The following CUL9 variants were observed in gnomAD, a reference collection of about 807,000 sequenced individuals.
CUL9 encodes cullin-9.
In CUL9, 79 loss-of-function variants were observed where a neutral mutation model predicts 272.6. The observed-to-expected ratio is 0.29, with a 90% CI of 0.24 to 0.35. The LOEUF (loss-of-function observed/expected upper bound fraction) is 0.35. Among genes scored for constraint, CUL9 ranks in the 10% least tolerant of loss-of-function variants. The probability of loss-of-function intolerance (pLI) is 1.00; values close to 1 mark genes in which losing one functional copy is unlikely to be tolerated. For synonymous variants in CUL9, 1,186 were observed against 1,286.5 expected (o/e 0.92, Z 1.67); for missense variants, 2,532 against 3,255.6 (o/e 0.78, Z 5.41).
chr6:43,199,412 A>G lies in CUL9; in HGVS notation c.3156+41A>G. On this transcript the variant is annotated intron_variant, in intron 13 of 40. Transcript: ENST00000252050. The surrounding 1 kb of genome is among the most constrained non-coding windows in gnomAD (Gnocchi z 4.4). ...CAAGGAGAAGAGAGGGAAGGGCAGC[A>G]TCTGGGGCACCAACTCCTTGTGAGG... is the stretch of plus-strand genomic sequence containing the variant. 6.6e-7 allele frequency: 1 copy of G among 1,505,188 alleles called. No homozygotes were observed. Among genetic ancestry groups the G allele is most frequent in the Non-Finnish European group, 9.2e-7 (1 of 1,082,150 alleles). 93.2% of individuals were successfully genotyped at this position (1,505,188 alleles called of 1,614,324 possible). A position where few individuals can be genotyped will look rare whatever the true frequency, so the allele number is the denominator to read the frequency against.
Position 43,223,890 on chromosome 6 carries a change from G to A in CUL9, c.7285-205G>A, listed in dbSNP as rs1776587433. ...GATTCTGTAAGCTCTTTAAGCACAG[G>A]GTCGTGTGCCTCACCTGGTACCCCG... On this transcript the variant is annotated intron_variant, in intron 39 of 40. Coordinates refer to ENST00000252050, the MANE Select transcript of CUL9 (RefSeq NM_015089.4). This position sits in a 1 kb window ranked among gnomAD's most constrained non-coding sequence, Gnocchi z 4.1. The A allele has an allele frequency of 3.3e-6, 2 of 607,564 alleles. No homozygotes were observed. Among genetic ancestry groups the A allele is most frequent in the Non-Finnish European group, 5.9e-6 (2 of 339,538 alleles). 37.6% of individuals were successfully genotyped at this position (607,564 alleles called of 1,614,324 possible).
In CUL9 at chr6:43,187,982, G is replaced by A. The variant is rs1562014905; in HGVS notation, c.1851G>A (p.Glu617=). 1 of 1,613,946 alleles carries A rather than the reference G, an allele frequency of 6.2e-7. No homozygotes were observed. Among genetic ancestry groups the A allele is most frequent in the Non-Finnish European group, 8.5e-7 (1 of 1,179,996 alleles). ...EETESLKAKA[E]APKTEAEPTK... ...CTGAGTCCCTCAAAGCAAAGGCCGAGGCCCCTAAGACAGAGGCCGAGCCCA... is the reference window on the plus strand; with the variant it reads ...CTGAGTCCCTCAAAGCAAAGGCCGAAGCCCCTAAGACAGAGGCCGAGCCCA... Residue 617 remains glutamate (E), a synonymous_variant, in exon 7 of 41, where the codon GAG becomes GAA. Coordinates refer to ENST00000252050, the MANE Select transcript of CUL9 (RefSeq NM_015089.4).
At chr6:43,183,553 G>C (rs1772618927) in intron 1 of CUL9, among the ~76,000 whole-genome samples, 1 of 151,990 alleles carries the variant, frequency 6.6e-6, no homozygotes, top group Non-Finnish European at 1.5e-5. Flanking sequence ...TGTCCTTCCT[G>C]TCCACCCATG....
chr6:43,203,391 G>A lies in CUL9; in HGVS notation c.3850-26G>A, dbSNP rs1296219598. 2 of 1,612,126 alleles carry A rather than the reference G, an allele frequency of 1.2e-6. No homozygotes were observed. The highest frequency in any genetic ancestry group is 1.7e-6 in the Non-Finnish European group (2 of 1,179,016). ...ACTTAGTGGCTCAAGCGGCTTGGGTGACAGATAAGTCTGTGCATGTTCCAG... is the reference window on the plus strand; with the variant it reads ...ACTTAGTGGCTCAAGCGGCTTGGGTAACAGATAAGTCTGTGCATGTTCCAG... On this transcript the variant is annotated intron_variant, in intron 18 of 40. Transcript: ENST00000252050. This position sits in a 1 kb window ranked among gnomAD's most constrained non-coding sequence, Gnocchi z 5.0.
In CUL9 at chr6:43,220,451, C is replaced by A; in HGVS notation, c.6283-8C>A. 6.2e-7 allele frequency: 1 copy of A among 1,613,946 alleles called. No homozygotes were observed. The highest frequency in any genetic ancestry group is 1.1e-5 in the South Asian group (1 of 91,070). ...TCTGTGAGCAGCCCCTCCTTTTGTC[C>A]CTCCCAGTCTTGCTGGAATGAGTAC... is the stretch of plus-strand genomic sequence containing the variant. On this transcript the variant is annotated splice_polypyrimidine_tract_variant and splice_region_variant and intron_variant, in intron 31 of 40. Transcript: ENST00000252050. The surrounding 1 kb of genome is among the most constrained non-coding windows in gnomAD (Gnocchi z 4.9).
chr6:43,183,323 C>T lies in CUL9; in HGVS notation c.-9-979C>T, dbSNP rs565670198. Among the ~76,000 whole-genome samples the T allele has an allele frequency of 1.2e-4, 18 of 152,296 alleles. No homozygotes were observed. The South Asian group carries it at 3.7e-3, about 32-fold the overall frequency. On this transcript the variant is annotated intron_variant, in intron 1 of 40. Coordinates refer to ENST00000252050, the MANE Select transcript of CUL9 (RefSeq NM_015089.4). ...CATCTTTCCCATAATTTTATCTGGT[C>T]CCTAGGGCCCTCCCCCTTTCACAAG...
chr6:43,196,060 C>G lies in CUL9; in HGVS notation c.2389-9C>G, dbSNP rs761673607. 6 of 1,606,926 alleles carry G rather than the reference C, an allele frequency of 3.7e-6. No individual in the cohort carries two copies. Among genetic ancestry groups the G allele is most frequent in the South Asian group, 1.1e-5 (1 of 90,262 alleles). ...CCCTCCTCACTCTGCTTTCACATCC[C>G]CCTCACAGGCACTGAAGATGCTGGC... On this transcript the variant is annotated splice_polypyrimidine_tract_variant and intron_variant, in intron 9 of 40. Transcript: ENST00000252050.
Position 43,187,352 on chromosome 6 carries a change from A to G in CUL9, c.1494A>G (p.Glu498=), listed in dbSNP as rs1441486468. 1 of 1,614,090 alleles carries G rather than the reference A, an allele frequency of 6.2e-7. No individual in the cohort carries two copies. Among genetic ancestry groups the G allele is most frequent in the Non-Finnish European group, 8.5e-7 (1 of 1,179,984 alleles). ...NERVGYLTQA[E]WWELLFFIKK... The stretch of plus-strand genomic sequence containing the variant: ...GAGTGGGATATCTGACCCAGGCTGA[A>G]TGGTGGGAGCTGCTTTTCTTTATCA... The change falls in exon 6 of 41, where the codon GAA becomes GAG. Residue 498 remains glutamate, a synonymous_variant. Transcript: ENST00000252050.
In CUL9 at chr6:43,206,019, G is replaced by A. The variant is rs1045111709; in HGVS notation, c.4806G>A (p.Ala1602=). The change falls in exon 25 of 41, where the codon GCG becomes GCA. Residue 1602 remains alanine, a synonymous_variant. Transcript: ENST00000252050. This position sits in a 1 kb window ranked among gnomAD's most constrained non-coding sequence, Gnocchi z 4.8. ...GTGTGTGCTGCAGGCATTATATGGC[G>A]GACCGTCTCCTGAGCTTTGGTTCGA... ...TFEHFYQHYM[A]DRLLSFGSSW... is the part of the protein sequence containing the mutation. The A allele has an allele frequency of 5.6e-6, 9 of 1,613,598 alleles. No individual in the cohort carries two copies. Among genetic ancestry groups the A allele is most frequent in the Non-Finnish European group, 5.9e-6 (7 of 1,179,574 alleles).
chr6:43,199,454 A>G lies in CUL9; in HGVS notation c.3156+83A>G, dbSNP rs1198308071. On this transcript the variant is annotated intron_variant, in intron 13 of 40. Coordinates refer to ENST00000252050, the MANE Select transcript of CUL9 (RefSeq NM_015089.4). This position sits in a 1 kb window ranked among gnomAD's most constrained non-coding sequence, Gnocchi z 4.4. ...CTTGTGAGGCTCTGGAGGGCACAGCAGAGCCTTTCTGAATGGATCTTGGGG... is the reference window on the plus strand; with the variant it reads ...CTTGTGAGGCTCTGGAGGGCACAGCGGAGCCTTTCTGAATGGATCTTGGGG... 2 of 1,072,146 alleles carry G rather than the reference A, an allele frequency of 1.9e-6. No homozygotes were observed. Among genetic ancestry groups the G allele is most frequent in the African/African-American group, 3.1e-5 (2 of 64,284 alleles). The allele number at this position is 1,072,146 out of a possible 1,614,324, so 66.4% of individuals were successfully genotyped here.
intron 8 of CUL9, among the ~76,000 whole-genome samples, chr6:43,191,880 C>T (rs1383838771): frequency 6.6e-6 from 1 of 151,034 alleles, no homozygotes; most frequent in African/African-American, 2.4e-5. Flanking sequence ...TCACTGTGCC[C>T]AGACAACATT....
In CUL9 at chr6:43,204,854, G is replaced by A. The variant is rs1774926077; in HGVS notation, c.4446G>A (p.Glu1482=). 1.2e-6 allele frequency: 2 copies of A among 1,614,156 alleles called. No homozygotes were observed. The highest frequency in any genetic ancestry group is 1.7e-6 in the Non-Finnish European group (2 of 1,180,016). ...ITQCWLSVVQ[E]QVSRFLAAAW... ...AGTGCTGGCTGAGCGTGGTGCAGGA[G>A]CAGGTGGGCAGAAGCAAGCAGAAGT... Residue 1482 remains glutamate, a synonymous_variant, in exon 22 of 41, where the codon GAG becomes GAA. Coordinates refer to ENST00000252050, the MANE Select transcript of CUL9 (RefSeq NM_015089.4).
Position 43,215,178 on chromosome 6 carries a change from A to T in CUL9, c.5788A>T (p.Ile1930Phe). 1.2e-6 allele frequency: 2 copies of T among 1,614,216 alleles called. No individual in the cohort carries two copies. The highest frequency in any genetic ancestry group is 1.7e-6 in the Non-Finnish European group (2 of 1,180,030). Residue 1930 changes from isoleucine to phenylalanine, a missense_variant, in exon 30 of 41, where the codon ATC becomes TTC. Physicochemically the swap from Ile to Phe is conservative, Grantham distance 21 (BLOSUM62 0). This residue lies in a region of CUL9 where 2,218 missense variants were observed against 2,788.6 expected (regional missense o/e 0.80). Transcript: ENST00000252050. The part of the protein sequence containing the change: ...ACTSTDVLSC[I>F]LHLLGQGYVK... ...TACCAGTACAGATGTCCTCTCTTGC[A>T]TCCTGCACCTCTTAGGCCAGGGCTA...
At position 43,184,731 on chromosome 6, in the gene CUL9, G is replaced by A. The variant is rs375566962; in HGVS notation, c.421G>A (p.Ala141Thr). 251 of 1,614,064 alleles carry A rather than the reference G, an allele frequency of 1.6e-4. No individual in the cohort carries two copies. Among genetic ancestry groups the A allele is most frequent in the Non-Finnish European group, 2.1e-4 (247 of 1,180,032 alleles). ...AESGTPSLTA[A>T]VLHTIHVLSA... ...AAGTGGGACCCCAAGCCTCACGGCCGCTGTGCTTCACACCATCCACGTGCT... is the reference window on the plus strand; with the variant it reads ...AAGTGGGACCCCAAGCCTCACGGCCACTGTGCTTCACACCATCCACGTGCT... The change falls in exon 2 of 41, where the codon GCT (alanine) becomes ACT (threonine). Residue 141 changes from alanine to threonine, a missense_variant. Transcript: ENST00000252050. The surrounding 1 kb of genome is among the most constrained non-coding windows in gnomAD (Gnocchi z 4.8).
chr6:43,213,974 G>T lies in CUL9; in HGVS notation c.5688+62G>T. ...GGGAGTCATGCTTGGGATTGGGGATGAACACAGTGAACTCTTTCAATATAA... is the reference window on the plus strand; with the variant it reads ...GGGAGTCATGCTTGGGATTGGGGATTAACACAGTGAACTCTTTCAATATAA... On this transcript the variant is annotated intron_variant, in intron 29 of 40. Coordinates refer to ENST00000252050, the MANE Select transcript of CUL9 (RefSeq NM_015089.4). This position sits in a 1 kb window ranked among gnomAD's most constrained non-coding sequence, Gnocchi z 5.7. 1 of 1,507,448 alleles carries T rather than the reference G, an allele frequency of 6.6e-7. No homozygotes were observed. The allele number at this position is 1,507,448 out of a possible 1,614,324, so 93.4% of individuals were successfully genotyped here. A position where few individuals can be genotyped will look rare whatever the true frequency, so the allele number is the denominator to read the frequency against.
In CUL9 at chr6:43,215,413, CT is replaced by C. The variant is rs1775857242; in HGVS notation, c.5936+90del. On this transcript the variant is annotated intron_variant, in intron 30 of 40. Coordinates refer to ENST00000252050, the MANE Select transcript of CUL9 (RefSeq NM_015089.4). Reference sequence around the variant, plus strand: ...TCCCTTGTGGAGAAACACTTCCCTTCTTTCTTTGTCTGATCCCCTTTTCCCT... The same window carrying C: ...TCCCTTGTGGAGAAACACTTCCCTTCTTCTTTGTCTGATCCCCTTTTCCCT... 2.7e-6 allele frequency: 4 copies of C among 1,482,444 alleles called. No individual in the cohort carries two copies. In the South Asian group the frequency reaches 5.4e-5, roughly 20 times the overall value. The allele number at this position is 1,482,444 out of a possible 1,614,324, so 91.8% of individuals were successfully genotyped here.
chr6:43,209,384 C>T (rs1411346840), intron 26 of CUL9, among the ~76,000 whole-genome samples: 3 of 150,094 alleles, frequency 2.0e-5, no homozygotes, highest in East Asian at 2.0e-4. Flanking sequence ...CTCCTGACCT[C>T]GTGATTTGCC....
At position 43,213,957 on chromosome 6, in the gene CUL9, T is replaced by C; in HGVS notation, c.5688+45T>C. On this transcript the variant is annotated intron_variant, in intron 29 of 40. Coordinates refer to ENST00000252050, the MANE Select transcript of CUL9 (RefSeq NM_015089.4). The surrounding 1 kb of genome is among the most constrained non-coding windows in gnomAD (Gnocchi z 5.7). ...TGAAGTTGGCGGAGGGAGGGAGTCA[T>C]GCTTGGGATTGGGGATGAACACAGT... The C allele has an allele frequency of 6.3e-7, 1 of 1,590,170 alleles. No homozygotes were observed. Among genetic ancestry groups the C allele is most frequent in the Non-Finnish European group, 8.6e-7 (1 of 1,158,942 alleles).
chr6:43,203,571 G>A lies in CUL9; in HGVS notation c.4004G>A (p.Arg1335His), dbSNP rs768110432. 3.5e-5 allele frequency: 57 copies of A among 1,613,340 alleles called. No individual in the cohort carries two copies. Among genetic ancestry groups the A allele is most frequent in the African/African-American group, 8.0e-5 (6 of 74,874 alleles). ...CGGGACATAGCAGAGGACCACCGGC[G>A]CCTCCTCCAGCTCTGTCCCAGGTGG... ...WSRDIAEDHRRLLQLCPRLNR... is the reference protein window; with the variant it reads ...WSRDIAEDHRHLLQLCPRLNR... Residue 1335 changes from arginine to histidine, a missense_variant, in exon 19 of 41, where the codon CGC becomes CAC. By Grantham distance (29) the Arg-to-His change is conservative. Around this residue, in one of 3 missense-constraint regions of CUL9, gnomAD observed 2,218 missense variants for 2,788.6 expected, o/e 0.80. Coordinates refer to ENST00000252050, the MANE Select transcript of CUL9 (RefSeq NM_015089.4). The surrounding 1 kb of genome is among the most constrained non-coding windows in gnomAD (Gnocchi z 5.0).
Sources: gnomAD v4.1 joint callset for allele counts (sites outside exome capture counted in the v4.1 genomes callset) on GRCh38, gnomAD v4.1.1 for gene constraint, gnomAD v4.1.1 regional missense constraint, Gnocchi (gnomAD v3.1) non-coding constraint, MANE v1.5 for transcripts, NCBI Gene and HGNC (gene_info 2026-07-23, HGNC 2026-07-21) for gene names.